The following ST8SIA6 variants were observed in gnomAD, a reference collection of about 807,000 sequenced individuals.
ST8SIA6 encodes ST8 alpha-N-acetyl-neuraminide alpha-2,8-sialyltransferase 6.
Under a neutral mutation model 33.6 loss-of-function variants are expected in ST8SIA6, and 39 were observed. That is an observed-to-expected ratio of 1.16 (90% CI 0.90 to 1.52). ST8SIA6 has a LOEUF of 1.52. Ranked by LOEUF, ST8SIA6 falls within the 40% of genes most tolerant of loss-of-function variation. The pLI is 0.00. For synonymous variants in ST8SIA6, 172 were observed against 167.2 expected (o/e 1.03, Z -0.22); for missense variants, 441 against 443.8 (o/e 0.99, Z 0.06).
At position 17,319,451 on chromosome 10, in the gene ST8SIA6, G is replaced by A. The variant is rs145530963; in HGVS notation, c.*1427C>T. 3.3e-5 allele frequency among the ~76,000 whole-genome samples: 5 copies of A among 152,232 alleles called. No individual in the cohort carries two copies. The East Asian group carries it at 9.7e-4, about 29-fold the overall frequency. ...GTGCTTTTAGGATGGCAACACAGATGTCGAACCAGAAACTTCAGATGTGTT... is the reference window on the plus strand; with the variant it reads ...GTGCTTTTAGGATGGCAACACAGATATCGAACCAGAAACTTCAGATGTGTT... On this transcript the variant is annotated 3_prime_UTR_variant, in exon 8 of 8. Coordinates refer to ENST00000377602, the MANE Select transcript of ST8SIA6 (RefSeq NM_001004470.3).
At position 17,327,019 on chromosome 10, in the gene ST8SIA6, A is replaced by T. The variant is rs750232546; in HGVS notation, c.630T>A (p.Val210=). 6.3e-7 allele frequency: 1 copy of T among 1,596,870 alleles called. No individual in the cohort carries two copies. Among genetic ancestry groups the T allele is most frequent in the Non-Finnish European group, 8.5e-7 (1 of 1,173,838 alleles). The change falls in exon 6 of 8, where the codon GTT becomes GTA. Residue 210 remains valine (V), a synonymous_variant. Coordinates refer to ENST00000377602, the MANE Select transcript of ST8SIA6 (RefSeq NM_001004470.3). The part of the protein sequence containing the change: ...CGTEIDKSDF[V]FRCNLPPTTG... Reference sequence around the variant, plus strand: ...ACCAATTTGTCAGGTCTTACCTAAAAACGAAGTCGGATTTATCTATTTCAG... The same window carrying T: ...ACCAATTTGTCAGGTCTTACCTAAATACGAAGTCGGATTTATCTATTTCAG...
chr10:17,390,445 C>G (rs1433889209), intron 3 of ST8SIA6, 86 bp downstream of exon 3: 2 of 1,171,356 alleles, frequency 1.7e-6, no homozygotes, highest in African/African-American at 3.1e-5. Flanking sequence ...GTCTCATATT[C>G]CAAATGACTT....
rs1005443437 is a variant in ST8SIA6, at chr10:17,317,770, A to G, written c.*3108T>C. 5.9e-5 allele frequency among the ~76,000 whole-genome samples: 9 copies of G among 152,222 alleles called. No individual in the cohort carries two copies. Among genetic ancestry groups the G allele is most frequent in the Admixed American group, 5.9e-4 (9 of 15,282 alleles). ...GGTCTGATTTGCTGCTTAATTCTGTATTCTACAGAGAGTCCTCAAAAAAAG... is the reference window on the plus strand; with the variant it reads ...GGTCTGATTTGCTGCTTAATTCTGTGTTCTACAGAGAGTCCTCAAAAAAAG... On this transcript the variant is annotated 3_prime_UTR_variant, in exon 8 of 8. Transcript: ENST00000377602.
At chr10:17,357,292 AT>A (rs113412171) in intron 4 of ST8SIA6, among the ~76,000 whole-genome samples, 2,555 of 143,792 alleles carry the variant, frequency 0.018, 32 homozygotes, top group Admixed American at 0.043. Context: ...CGCCTGGCTA[AT>A]TTTTTTTTTT....
intron 2 of ST8SIA6, among the ~76,000 whole-genome samples, chr10:17,417,886 G>C (rs558013420): frequency 6.6e-6 from 1 of 152,320 alleles, no homozygotes; most frequent in South Asian, 2.1e-4. Context: ...TCTGTTGTCA[G>C]TCAAAAATAA....
intron 4 of ST8SIA6, among the ~76,000 whole-genome samples, chr10:17,333,692 TATATATATATATATATATATA>T (rs1312223682): frequency 0.03 from 881 of 29,068 alleles, 80 homozygotes; most frequent in East Asian, 0.078. Flanking sequence ...TATATATATA[TATATATATATATATATATATA>T]TATATTTTTT....
rs1853044313 is a variant in ST8SIA6 at position 17,454,413 on chromosome 10, C to T, written c.-158G>A. ...GCGGCAGCGAGGGGCGCCCGCAGCC[C>T]ACCCGGCAGAGTCTCCGCGGCGGGC... On this transcript the variant is annotated 5_prime_UTR_variant, in exon 1 of 8. Transcript: ENST00000377602. This position sits in a 1 kb window ranked among gnomAD's most constrained non-coding sequence, Gnocchi z 4.1. 1 of 158,704 alleles carries T rather than the reference C, an allele frequency of 6.3e-6. No individual in the cohort carries two copies. Among genetic ancestry groups the T allele is most frequent in the East Asian group, 1.9e-4 (1 of 5,400 alleles). The allele number at this position is 158,704 out of a possible 1,614,324, so 9.8% of individuals were successfully genotyped here.
chr10:17,379,375 A>G (rs772711753), intron 3 of ST8SIA6, among the ~76,000 whole-genome samples: 3 of 152,102 alleles, frequency 2.0e-5, no homozygotes, highest in Non-Finnish European at 4.4e-5. Flanking sequence ...TTGTTCCGTG[A>G]TGCAGCACTT....
At chr10:17,341,912 A>AAAC (rs1200693015) in intron 4 of ST8SIA6, among the ~76,000 whole-genome samples, 12 of 150,480 alleles carry the variant, frequency 8.0e-5, no homozygotes, top group Admixed American at 1.3e-4. Context: ...AAAAAAAAAA[A>AAAC]AAAAAAAAAC....
At position 17,321,106 on chromosome 10, in the gene ST8SIA6, G is replaced by T. The variant is rs368246267; in HGVS notation, c.969C>A (p.Thr323=). Residue 323 remains threonine (T), a synonymous_variant, in exon 8 of 8, where the codon ACC becomes ACA. Transcript: ENST00000377602. ...TKGVTAYRLS[T]GLMITSVAVE... ...CTGCAACACTTGTGATCATCAAGCC[G>T]GTGGACAAGCGGTATGCAGTCACAC... 2 of 1,613,960 alleles carry T rather than the reference G, an allele frequency of 1.2e-6. No individual in the cohort carries two copies. Among genetic ancestry groups the T allele is most frequent in the African/African-American group, 1.3e-5 (1 of 74,892 alleles).
intron 2 of ST8SIA6, among the ~76,000 whole-genome samples, chr10:17,428,969 G>A (rs1263850214): frequency 6.6e-6 from 1 of 152,052 alleles, no homozygotes; most frequent in African/African-American, 2.4e-5. Context: ...GGCTTTTGTG[G>A]CCTGAGCTGC....
At chr10:17,448,723 C>T (rs1013052533) in intron 2 of ST8SIA6, among the ~76,000 whole-genome samples, 1 of 151,802 alleles carries the variant, frequency 6.6e-6, no homozygotes, top group African/African-American at 2.4e-5. Context: ...TCACTCCATT[C>T]TCCCACCTCA....
chr10:17,327,479 C>T (rs1346545246), intron 5 of ST8SIA6, among the ~76,000 whole-genome samples: 2 of 152,038 alleles, frequency 1.3e-5, no homozygotes, highest in South Asian at 2.1e-4. Context: ...CCGAGCTACT[C>T]GAGAGGCTGA....
intron 3 of ST8SIA6, among the ~76,000 whole-genome samples, chr10:17,373,833 AC>A (rs1248009631): frequency 6.6e-6 from 1 of 152,182 alleles, no homozygotes; most frequent in Non-Finnish European, 1.5e-5. Context: ...TATTTGAGGA[AC>A]TATGAGGAAG....
chr10:17,454,310 G>A lies in ST8SIA6; in HGVS notation c.-55C>T, dbSNP rs1390810296. On this transcript the variant is annotated 5_prime_UTR_variant, in exon 1 of 8. Transcript: ENST00000377602. This position sits in a 1 kb window ranked among gnomAD's most constrained non-coding sequence, Gnocchi z 4.1. ...GCTGCCGGGGCGAAGCACAGCCCGG[G>A]CGGCCCCGACTCGCGGCTCCCGCCG... is the stretch of plus-strand genomic sequence containing the variant. 1.1e-5 allele frequency: 2 copies of A among 177,870 alleles called. No individual in the cohort carries two copies. Among genetic ancestry groups the A allele is most frequent in the African/African-American group, 2.4e-5 (1 of 41,570 alleles). The allele number at this position is 177,870 out of a possible 1,614,324, so 11.0% of individuals were successfully genotyped here.
chr10:17,453,746 G>C (rs1338581432), intron 1 of ST8SIA6, 89 bp from the exon 2 acceptor site: 1 of 1,063,950 alleles, frequency 9.4e-7, no homozygotes, highest in Non-Finnish European at 1.2e-6. Context: ...TGCCTGGCAG[G>C]GAGATCTCGC....
intron 4 of ST8SIA6, among the ~76,000 whole-genome samples, chr10:17,344,125 G>A (rs945986499): frequency 3.3e-5 from 5 of 152,122 alleles, no homozygotes; most frequent in African/African-American, 1.2e-4. Context: ...TCTTAATACT[G>A]CCCTATATCC....
rs374505992 is a variant in ST8SIA6, at chr10:17,433,869, A to G, written c.200+19690T>C. On this transcript the variant is annotated intron_variant, in intron 2 of 7. Coordinates refer to ENST00000377602, the MANE Select transcript of ST8SIA6 (RefSeq NM_001004470.3). ...TATCTACTTTTCCAGCCTCACATTC[A>G]CCTGTCCTCAACACATATCCTGGGA... Among the ~76,000 whole-genome samples the G allele has an allele frequency of 9.9e-4, 150 of 152,006 alleles. 1 individual carries two copies. The highest frequency in any genetic ancestry group is 3.2e-3 in the African/African-American group (132 of 41,448).
At chr10:17,376,403 A>G (rs1188853514) in intron 3 of ST8SIA6, among the ~76,000 whole-genome samples, 2 of 152,058 alleles carry the variant, frequency 1.3e-5, no homozygotes, top group Admixed American at 1.3e-4. Flanking sequence ...CAGTGTGTCT[A>G]CTCTAACCAA....
Sources: gnomAD v4.1 joint callset for allele counts (sites outside exome capture counted in the v4.1 genomes callset) on GRCh38, gnomAD v4.1.1 for gene constraint, Gnocchi (gnomAD v3.1) non-coding constraint, MANE v1.5 for transcripts, NCBI Gene and HGNC (gene_info 2026-07-23, HGNC 2026-07-21) for gene names.